Variants in CCDC192 observed in about 807,000 individuals in gnomAD.
CCDC192 encodes coiled-coil domain-containing protein 192.
intron 2 of CCDC192, among the ~76,000 whole-genome samples, chr5:127,716,133 A>C (rs1162394378): frequency 6.6e-6 from 1 of 151,460 alleles, no homozygotes; most frequent in Admixed American, 6.6e-5. Flanking sequence ...TTTTTTTTGC[A>C]TCTGTTGAAA....
chr5:127,793,369 G>A (rs780623003), intron 3 of CCDC192, among the ~76,000 whole-genome samples: 1 of 152,172 alleles, frequency 6.6e-6, no homozygotes, highest in Admixed American at 6.5e-5. Flanking sequence ...AAGCAAGATG[G>A]TGGGTTAGAG....
chr5:127,903,233 T>C (rs1253176728), intron 6 of CCDC192, among the ~76,000 whole-genome samples: 2 of 152,002 alleles, frequency 1.3e-5, no homozygotes, highest in East Asian at 3.9e-4. Flanking sequence ...ATTCATTCTT[T>C]TGGAGGAATT....
Position 127,901,731 on chromosome 5 carries a change from C to T in CCDC192, c.535+26070C>T, listed in dbSNP as rs116075616. 4.7e-3 allele frequency among the ~76,000 whole-genome samples: 710 copies of T among 152,264 alleles called. 6 individuals are homozygous for T. Among genetic ancestry groups the T allele is most frequent in the African/African-American group, 0.017 (694 of 41,550 alleles). Reference sequence around the variant, plus strand: ...TCCATTCCACACATGTTTGAAGGTTCATCTATATTTTAAAGGCTGCTGGTC... The same window carrying T: ...TCCATTCCACACATGTTTGAAGGTTTATCTATATTTTAAAGGCTGCTGGTC... On this transcript the variant is annotated intron_variant, in intron 6 of 6. Coordinates refer to ENST00000514853, the MANE Select transcript of CCDC192 (RefSeq NM_001317938.2).
chr5:127,831,356 GTGTGTGCGTGTGTATA>G (rs1415645734), intron 5 of CCDC192, among the ~76,000 whole-genome samples: 6 of 151,966 alleles, frequency 3.9e-5, no homozygotes, highest in African/African-American at 1.2e-4. Flanking sequence ...AAAAGTGTGT[GTGTGTGCGTGTGTATA>G]TGTGTGCGTG....
intron 2 of CCDC192, among the ~76,000 whole-genome samples, chr5:127,741,042 T>A (rs768343402): frequency 6.6e-6 from 1 of 151,936 alleles, no homozygotes; most frequent in Non-Finnish European, 1.5e-5. Context: ...ACAAATAGAT[T>A]TTTTTTTATT....
At chr5:127,934,206 A>G (rs1259499284) in intron 6 of CCDC192, among the ~76,000 whole-genome samples, 4 of 152,184 alleles carry the variant, frequency 2.6e-5, no homozygotes, top group Non-Finnish European at 5.9e-5. Flanking sequence ...TAAGTCACTT[A>G]CTAAAACAGA....
At chr5:127,756,403 C>T (rs1349122656) in intron 3 of CCDC192, among the ~76,000 whole-genome samples, 1 of 152,052 alleles carries the variant, frequency 6.6e-6, no homozygotes, top group African/African-American at 2.4e-5. Flanking sequence ...GGGAGGGGCC[C>T]GGGAAGTGGG....
At chr5:127,801,294 T>A (rs1019840718) in intron 5 of CCDC192, among the ~76,000 whole-genome samples, 3 of 152,136 alleles carry the variant, frequency 2.0e-5, no homozygotes, top group African/African-American at 7.2e-5. Flanking sequence ...CCTGGCAAAA[T>A]ATGTACTTGA....
chr5:127,812,778 A>G (rs1428284514), intron 5 of CCDC192, among the ~76,000 whole-genome samples: 2 of 152,210 alleles, frequency 1.3e-5, no homozygotes, highest in Non-Finnish European at 2.9e-5. Context: ...GCAGAGGTCA[A>G]TGCCATGGGG....
intron 6 of CCDC192, among the ~76,000 whole-genome samples, chr5:127,891,762 T>A (rs1752739431): frequency 6.6e-6 from 1 of 152,214 alleles, no homozygotes; most frequent in Non-Finnish European, 1.5e-5. Flanking sequence ...ACACACTATC[T>A]TCACTTCTTC....
intron 6 of CCDC192, among the ~76,000 whole-genome samples, chr5:127,923,929 A>T (rs13362517): frequency 2.6e-5 from 4 of 152,168 alleles, no homozygotes; most frequent in African/African-American, 9.7e-5. Context: ...AGAGAAGCCA[A>T]CCTGGCTCCC....
At chr5:127,859,261 T>C (rs189954548) in intron 5 of CCDC192, among the ~76,000 whole-genome samples, 1 of 152,336 alleles carries the variant, frequency 6.6e-6, no homozygotes, top group East Asian at 1.9e-4. Context: ...TTTGTCAGTA[T>C]TTATTAAATA....
At chr5:127,883,995 C>T (rs1752457922) in intron 6 of CCDC192, among the ~76,000 whole-genome samples, 1 of 152,052 alleles carries the variant, frequency 6.6e-6, no homozygotes, top group African/African-American at 2.4e-5. Context: ...GGGAAAGGGT[C>T]CCTTGGCTGT....
At chr5:127,879,136 C>T (rs11950368) in intron 6 of CCDC192, among the ~76,000 whole-genome samples, 1 of 152,100 alleles carries the variant, frequency 6.6e-6, no homozygotes, top group Non-Finnish European at 1.5e-5. Flanking sequence ...TAGAGCAATC[C>T]TAAGCCAAAA....
chr5:127,719,580 T>TATAC (rs1275936475), intron 2 of CCDC192, among the ~76,000 whole-genome samples: 34 of 132,576 alleles, frequency 2.6e-4, no homozygotes, highest in African/African-American at 1.1e-3. Context: ...TATATATATA[T>TATAC]ACCAAGCAGT....
chr5:127,716,326 T>C (rs1751620988), intron 2 of CCDC192, among the ~76,000 whole-genome samples: 1 of 152,200 alleles, frequency 6.6e-6, no homozygotes, highest in Non-Finnish European at 1.5e-5. Context: ...TCTATGTTCA[T>C]CAGGAATACT....
intron 5 of CCDC192, among the ~76,000 whole-genome samples, chr5:127,808,246 C>G (rs1757900423): frequency 6.6e-6 from 1 of 151,870 alleles, no homozygotes; most frequent in Non-Finnish European, 1.5e-5. Context: ...CCCTCTTGCC[C>G]CATTTTACTT....
At chr5:127,903,249 T>C (rs13155003) in intron 6 of CCDC192, among the ~76,000 whole-genome samples, 31,702 of 151,752 alleles carry the variant, frequency 0.21, 3,432 homozygotes, top group East Asian at 0.32. Flanking sequence ...GAATTTTTTT[T>C]TTTTTTTTTT....
intron 5 of CCDC192, among the ~76,000 whole-genome samples, chr5:127,835,345 C>T (rs937978160): frequency 1.2e-4 from 18 of 152,226 alleles, no homozygotes; most frequent in African/African-American, 3.6e-4. Context: ...ATATTTTTCA[C>T]TTTTCTCAGC....
Sources: gnomAD v4.1 joint callset for allele counts (sites outside exome capture counted in the v4.1 genomes callset) on GRCh38, gnomAD v4.1.1 for gene constraint, MANE v1.5 for transcripts, NCBI Gene and HGNC (gene_info 2026-07-23, HGNC 2026-07-21) for gene names.